Variants in CDH9 observed in about 807,000 individuals in gnomAD.
The protein encoded by CDH9 is cadherin 9, also known as cadherin-9.
CDH9 carries 28 observed loss-of-function variants against 70.9 expected under a neutral mutation model. The observed-to-expected ratio is 0.40, with a 90% confidence interval of 0.29 to 0.54. The LOEUF is 0.54. Among genes scored for constraint, CDH9 ranks in the 20% least tolerant of loss-of-function variants. The probability of loss-of-function intolerance (pLI) is 0.59; values close to 1 mark genes in which losing one functional copy is unlikely to be tolerated. For missense variants in CDH9, 874 were observed against 984.4 expected (o/e 0.89, Z 1.50); for synonymous variants, 409 against 343.1 (o/e 1.19, Z -2.12).
At chr5:26,885,177 C>A (rs576721083) in intron 11 of CDH9, among the ~76,000 whole-genome samples, 1 of 152,088 alleles carries the variant, frequency 6.6e-6, no homozygotes, top group Non-Finnish European at 1.5e-5. Context: ...GAAAGGAGAA[C>A]TCTATGGTAG....
rs35693444 is a variant in CDH9, at chr5:27,035,171, G to GTATATATATA, written c.-50+3282_-50+3291dup. ...TAAGTTTCCACATAATATTGCATAT[G>GTATATATATA]TATATATATATATATATATATTTAA... On this transcript the variant is annotated intron_variant, in intron 1 of 11. Transcript: ENST00000231021. 5.2e-3 allele frequency among the ~76,000 whole-genome samples: 751 copies of GTATATATATA among 143,246 alleles called. 9 individuals carry two copies. The highest frequency in any genetic ancestry group is 0.018 in the African/African-American group (719 of 39,438). The allele number at this position is 143,246 out of a possible 152,430, so 94.0% of individuals were successfully genotyped here.
At chr5:26,965,909 T>C (rs1218144434) in intron 2 of CDH9, among the ~76,000 whole-genome samples, 2 of 152,188 alleles carry the variant, frequency 1.3e-5, no homozygotes, top group Non-Finnish European at 2.9e-5. Context: ...AAACACTTTC[T>C]ACTTTCACAA....
intron 2 of CDH9, among the ~76,000 whole-genome samples, chr5:26,927,818 A>T (rs765869375): frequency 7.2e-5 from 11 of 152,008 alleles, no homozygotes; most frequent in Admixed American, 2.0e-4. Flanking sequence ...CTGGACATCG[A>T]ATTAATGGAC....
chr5:26,959,515 A>G (rs7721020), intron 2 of CDH9, among the ~76,000 whole-genome samples: 12,860 of 152,116 alleles, frequency 0.085, 1,892 homozygotes, highest in African/African-American at 0.29. Context: ...ATTTACCCCA[A>G]ATAATTGAAA....
At chr5:26,942,266 A>C (rs1038763197) in intron 2 of CDH9, among the ~76,000 whole-genome samples, 2 of 152,290 alleles carry the variant, frequency 1.3e-5, no homozygotes, top group East Asian at 3.9e-4. Flanking sequence ...GCAGCATGGC[A>C]GTAACCACCC....
intron 1 of CDH9, among the ~76,000 whole-genome samples, chr5:26,988,950 A>C (rs1742535288): frequency 6.6e-6 from 1 of 152,036 alleles, no homozygotes; most frequent in Non-Finnish European, 1.5e-5. Flanking sequence ...AATACTTAGC[A>C]CCATGTCGAT....
At chr5:26,973,393 C>A (rs555968403) in intron 2 of CDH9, among the ~76,000 whole-genome samples, 1 of 152,036 alleles carries the variant, frequency 6.6e-6, no homozygotes, top group African/African-American at 2.4e-5. Flanking sequence ...GTATCATTTT[C>A]TTTTGTACAT....
At chr5:26,956,679 G>T (rs1741952172) in intron 2 of CDH9, among the ~76,000 whole-genome samples, 2 of 152,026 alleles carry the variant, frequency 1.3e-5, no homozygotes, top group African/African-American at 4.8e-5. Flanking sequence ...TTTCCACCAT[G>T]GCATGACACA....
chr5:26,911,684 A>G (rs914066820), intron 3 of CDH9, among the ~76,000 whole-genome samples: 1 of 149,244 alleles, frequency 6.7e-6, no homozygotes, highest in East Asian at 2.0e-4. Context: ...GAAAAAAAAA[A>G]GTAGAAATAG....
At chr5:26,942,678 C>T (rs532326874) in intron 2 of CDH9, among the ~76,000 whole-genome samples, 2 of 152,096 alleles carry the variant, frequency 1.3e-5, no homozygotes, top group African/African-American at 4.8e-5. Flanking sequence ...CTAAACACCC[C>T]GGGTGGCATC....
chr5:26,948,839 C>T (rs1334323004), intron 2 of CDH9, among the ~76,000 whole-genome samples: 1 of 152,116 alleles, frequency 6.6e-6, no homozygotes, highest in Non-Finnish European at 1.5e-5. Flanking sequence ...GTGAACACGA[C>T]CTAAGTTTGA....
chr5:26,985,868 G>T (rs188835481), intron 2 of CDH9, among the ~76,000 whole-genome samples: 1 of 152,160 alleles, frequency 6.6e-6, no homozygotes, highest in Non-Finnish European at 1.5e-5. Context: ...TCATATGTTT[G>T]ACTAAGTTTA....
At chr5:27,013,620 T>C (rs1265133587) in intron 1 of CDH9, among the ~76,000 whole-genome samples, 1 of 151,846 alleles carries the variant, frequency 6.6e-6, no homozygotes, top group Non-Finnish European at 1.5e-5. Flanking sequence ...TAGCAACACT[T>C]CCAGGCCAGA....
intron 9 of CDH9, among the ~76,000 whole-genome samples, chr5:26,887,045 A>G (rs2111969148): frequency 6.6e-6 from 1 of 152,286 alleles, no homozygotes; most frequent in South Asian, 2.1e-4. Flanking sequence ...TACCTTTTAT[A>G]ACTATACTAA....
intron 2 of CDH9, among the ~76,000 whole-genome samples, chr5:26,918,398 TAA>T (rs1174288100): frequency 6.6e-6 from 1 of 152,214 alleles, no homozygotes; most frequent in African/African-American, 2.4e-5. Flanking sequence ...ACATTTGATG[TAA>T]TTGTTTACCA....
At chr5:27,009,803 T>C (rs1244602292) in intron 1 of CDH9, among the ~76,000 whole-genome samples, 2 of 152,134 alleles carry the variant, frequency 1.3e-5, no homozygotes, top group African/African-American at 2.4e-5. Flanking sequence ...GTCAGTTTCA[T>C]GTGTCAAGAG....
chr5:26,912,609 G>A (rs559705475), intron 3 of CDH9, among the ~76,000 whole-genome samples: 2 of 151,736 alleles, frequency 1.3e-5, no homozygotes, highest in East Asian at 3.9e-4. Flanking sequence ...AAGGACATTT[G>A]ATTTAAAGTA....
intron 1 of CDH9, among the ~76,000 whole-genome samples, chr5:26,999,106 G>A (rs1284106019): frequency 1.3e-5 from 2 of 152,000 alleles, no homozygotes; most frequent in South Asian, 2.1e-4. Context: ...TTAGCTGGGT[G>A]TGATGGTGTG....
At chr5:26,951,236 T>C (rs951394182) in intron 2 of CDH9, among the ~76,000 whole-genome samples, 2 of 124,602 alleles carry the variant, frequency 1.6e-5, no homozygotes, top group East Asian at 4.9e-4. Context: ...GAGGTTGCAG[T>C]GAGTGGAGAT....
Sources: allele counts gnomAD v4.1 joint callset (sites outside exome capture counted in the v4.1 genomes callset), GRCh38; gene constraint gnomAD v4.1.1; transcripts MANE v1.5; gene names NCBI Gene and HGNC (gene_info 2026-07-23, HGNC 2026-07-21).